MTHFD2L: variants seen among roughly 807,000 people sequenced by gnomAD.
The protein encoded by MTHFD2L is methylenetetrahydrofolate dehydrogenase (NADP+ dependent) 2 like, also known as bifunctional methylenetetrahydrofolate dehydrogenase/cyclohydrolase 2, mitochondrial.
MTHFD2L carries 29 observed loss-of-function variants against 34.9 expected under a neutral mutation model. The observed-to-expected ratio is 0.83, with a 90% CI of 0.62 to 1.13. The LOEUF (loss-of-function observed/expected upper bound fraction) is 1.13. Ranked by LOEUF, MTHFD2L falls within the 50% of genes most tolerant of loss-of-function variation. The pLI, the probability that MTHFD2L is intolerant of heterozygous loss-of-function variation, is 0.00. For missense variants in MTHFD2L, 481 were observed against 446.5 expected (o/e 1.08, Z -0.70); for synonymous variants, 167 against 155.7 (o/e 1.07, Z -0.54).
At chr4:74,273,176 A>G (rs746021746) in intron 6 of MTHFD2L, among the ~76,000 whole-genome samples, 1 of 152,166 alleles carries the variant, frequency 6.6e-6, no homozygotes, top group Non-Finnish European at 1.5e-5. Flanking sequence ...GGTACATTTT[A>G]ATAATGGCTT....
At chr4:74,281,697 C>A in intron 7 of MTHFD2L, 147 bp downstream of exon 7, 2 of 782,414 alleles carry the variant, frequency 2.6e-6, no homozygotes, top group East Asian at 2.9e-5. Context: ...TTTAATCAGA[C>A]TTAAATATTT....
In MTHFD2L at chr4:74,225,331, T is replaced by C; in HGVS notation, c.742T>C (p.Tyr248His). The change falls in exon 6 of 8, where the codon TAC (tyrosine) becomes CAC (histidine). Residue 248 changes from tyrosine to histidine, a missense_variant. Transcript: ENST00000325278. Reference protein sequence around the residue: ...GDATVTIAHRYTPKEQLKIHT... With the variant: ...GDATVTIAHRHTPKEQLKIHT... ...TGCAACTGTGACAATAGCTCACAGA[T>C]ACACCCCCAAAGAGCAACTGAAGAT... is the stretch of plus-strand genomic sequence containing the variant. 1 of 1,613,134 alleles carries C rather than the reference T, an allele frequency of 6.2e-7. No individual in the cohort carries two copies. Among genetic ancestry groups the C allele is most frequent in the African/African-American group, 1.3e-5 (1 of 74,982 alleles).
intron 5 of MTHFD2L, among the ~76,000 whole-genome samples, chr4:74,202,580 A>G (rs1310176324): frequency 6.6e-6 from 1 of 152,186 alleles, no homozygotes; most frequent in Non-Finnish European, 1.5e-5. Context: ...GGAGGGCACA[A>G]GGGTTATTCA....
At chr4:74,282,291 A>G (rs1411854467) in intron 7 of MTHFD2L, among the ~76,000 whole-genome samples, 1 of 152,044 alleles carries the variant, frequency 6.6e-6, no homozygotes, top group African/African-American at 2.4e-5. Flanking sequence ...TGAAGGCATG[A>G]ATATAGTAAA....
chr4:74,142,079 T>C (rs145527949), intron 1 of MTHFD2L, among the ~76,000 whole-genome samples: 9 of 152,322 alleles, frequency 5.9e-5, no homozygotes, highest in African/African-American at 2.2e-4. Context: ...ACGATTCTCC[T>C]ATGAAAAACT....
intron 6 of MTHFD2L, among the ~76,000 whole-genome samples, chr4:74,260,011 G>A (rs1337235883): frequency 6.6e-6 from 1 of 152,122 alleles, no homozygotes; most frequent in Non-Finnish European, 1.5e-5. Context: ...TTGGGGAATG[G>A]GCACTTATGA....
intron 7 of MTHFD2L, among the ~76,000 whole-genome samples, chr4:74,298,467 C>G (rs1045786094): frequency 3.3e-5 from 5 of 151,960 alleles, no homozygotes; most frequent in African/African-American, 1.2e-4. Context: ...GTATCTCATT[C>G]CCATTCCCTC....
upstream of MTHFD2L, among the ~76,000 whole-genome samples, chr4:74,156,172 A>T (rs925778323): frequency 6.6e-6 from 1 of 152,104 alleles, no homozygotes; most frequent in South Asian, 2.1e-4. Flanking sequence ...CGTGTCTAAC[A>T]TTACAGTATC....
At chr4:74,204,697 T>C (rs1218162802) in intron 5 of MTHFD2L, among the ~76,000 whole-genome samples, 1 of 152,196 alleles carries the variant, frequency 6.6e-6, no homozygotes, top group African/African-American at 2.4e-5. Flanking sequence ...TATATATTTG[T>C]CTATAAAATA....
At chr4:74,132,574 A>C (rs577504636) in intron 1 of MTHFD2L, among the ~76,000 whole-genome samples, 2 of 151,982 alleles carry the variant, frequency 1.3e-5, no homozygotes, top group South Asian at 4.1e-4. Context: ...AACATCACAC[A>C]CCAGGGCCTG....
At chr4:74,185,180 T>A (rs72854876) in intron 3 of MTHFD2L, among the ~76,000 whole-genome samples, 10,643 of 101,336 alleles carry the variant, frequency 0.11, 1,648 homozygotes, top group African/African-American at 0.35. Flanking sequence ...AAAAAAAAAA[T>A]CTGGAAAATC....
intron 5 of MTHFD2L, among the ~76,000 whole-genome samples, chr4:74,210,669 A>C (rs1276773984): frequency 2.6e-5 from 4 of 152,166 alleles, no homozygotes; most frequent in African/African-American, 9.7e-5. Context: ...TGTCTTGGCT[A>C]TACGGGCTTT....
chr4:74,126,275 C>A (rs2109788881), intron 1 of MTHFD2L, among the ~76,000 whole-genome samples: 1 of 152,258 alleles, frequency 6.6e-6, no homozygotes, highest in South Asian at 2.1e-4. Flanking sequence ...AAAACATCAT[C>A]AAACTGCCAA....
chr4:74,267,158 C>G, intron 6 of MTHFD2L: 1 of 985,000 alleles, frequency 1.0e-6, no homozygotes, highest in Non-Finnish European at 1.2e-6. Context: ...GACTTTAATA[C>G]TCTGTGAATA....
rs537909625 is a variant in MTHFD2L, at chr4:74,170,897, A to G, written c.144-3609A>G. Among the ~76,000 whole-genome samples the G allele has an allele frequency of 2.0e-5, 3 of 146,502 alleles. No homozygotes were observed. The South Asian group carries it at 6.5e-4, about 32-fold the overall frequency. On this transcript the variant is annotated intron_variant, in intron 1 of 7. Transcript: ENST00000325278. ...GCAAGGACAAAAAACCAAACACTGC[A>G]TGTTCTCACTCATAGGTGGGAATTG...
intron 1 of MTHFD2L, chr4:74,143,414 G>A (rs1723398377): frequency 5.1e-6 from 5 of 985,338 alleles, no homozygotes; most frequent in East Asian, 1.1e-4. Flanking sequence ...ATGGAAACAC[G>A]GATTTGAGCT....
chr4:74,177,309 G>A (rs920316680), intron 3 of MTHFD2L, among the ~76,000 whole-genome samples: 1 of 151,920 alleles, frequency 6.6e-6, no homozygotes, highest in Non-Finnish European at 1.5e-5. Flanking sequence ...TGAATCTCCT[G>A]TTGGTACTGT....
chr4:74,154,272 G>C (rs1423583515), upstream of MTHFD2L, among the ~76,000 whole-genome samples: 1 of 152,052 alleles, frequency 6.6e-6, no homozygotes, highest in Non-Finnish European at 1.5e-5. Context: ...CACTGTCTGA[G>C]GTAGTGTTTG....
intron 6 of MTHFD2L, chr4:74,267,089 T>C (rs371960893): frequency 1.0e-6 from 1 of 985,238 alleles, no homozygotes; most frequent in African/African-American, 1.7e-5. Context: ...CACACTGAGC[T>C]TGGTAAACAA....
Sources: allele counts gnomAD v4.1 joint callset (sites outside exome capture counted in the v4.1 genomes callset), GRCh38; gene constraint gnomAD v4.1.1; transcripts MANE v1.5; gene names NCBI Gene and HGNC (gene_info 2026-07-23, HGNC 2026-07-21).